Variants in EEFSEC observed in about 807,000 individuals in gnomAD.
EEFSEC encodes selenocysteine-specific elongation factor.
Under a neutral mutation model 42.1 loss-of-function variants are expected in EEFSEC, and 43 were observed. That is an observed-to-expected ratio of 1.02 (90% CI 0.80 to 1.32). The LOEUF (loss-of-function observed/expected upper bound fraction) is 1.32. EEFSEC is among the 40% of genes most tolerant of loss of function. The pLI is 0.00. For missense variants in EEFSEC, 745 were observed against 803.6 expected, an observed-to-expected ratio of 0.93 and a Z score of 0.88; for synonymous variants, 354 against 339.1, an observed-to-expected ratio of 1.04 and a Z score of -0.48.
chr3:128,308,000 A>G (rs2066849994), intron 4 of EEFSEC, among the ~76,000 whole-genome samples: 1 of 152,246 alleles, frequency 6.6e-6, no homozygotes, highest in Admixed American at 6.5e-5. Flanking sequence ...TCACCTGGGC[A>G]TAACAGTGCC....
intron 6 of EEFSEC, among the ~76,000 whole-genome samples, chr3:128,359,887 C>T (rs2067503245): frequency 6.6e-6 from 1 of 152,212 alleles, no homozygotes; most frequent in South Asian, 2.1e-4. Context: ...CAGCTGCCTC[C>T]GTGCTCACAG....
intron 5 of EEFSEC, among the ~76,000 whole-genome samples, chr3:128,356,508 CTT>C (rs2067456392): frequency 6.6e-6 from 1 of 152,176 alleles, no homozygotes; most frequent in Admixed American, 6.5e-5. Flanking sequence ...AATGTTCTGT[CTT>C]TGGAGAAGAT....
chr3:128,402,335 T>C (rs1488829250), intron 6 of EEFSEC, among the ~76,000 whole-genome samples: 2 of 152,222 alleles, frequency 1.3e-5, no homozygotes, highest in Admixed American at 6.5e-5. Flanking sequence ...CATAGGTCTT[T>C]CTTTGTGTAA....
intron 4 of EEFSEC, among the ~76,000 whole-genome samples, chr3:128,313,554 C>T (rs1479096553): frequency 6.6e-6 from 1 of 152,202 alleles, no homozygotes; most frequent in Non-Finnish European, 1.5e-5. Context: ...GATGCCACAC[C>T]CAGGACTCAG....
chr3:128,278,223 C>T (rs1443442002), intron 4 of EEFSEC, among the ~76,000 whole-genome samples: 1 of 152,134 alleles, frequency 6.6e-6, no homozygotes, highest in Admixed American at 6.5e-5. Context: ...AGGCTGTTGC[C>T]ATAGTCCAGG....
chr3:128,243,289 T>G (rs1443481505), intron 1 of EEFSEC, among the ~76,000 whole-genome samples: 1 of 151,998 alleles, frequency 6.6e-6, no homozygotes, highest in Non-Finnish European at 1.5e-5. Flanking sequence ...GGCTCCTGAG[T>G]GTTTGGGTCC....
At chr3:128,285,458 G>A (rs1260727794) in intron 4 of EEFSEC, among the ~76,000 whole-genome samples, 2 of 152,162 alleles carry the variant, frequency 1.3e-5, no homozygotes, top group East Asian at 3.9e-4. Flanking sequence ...AGCAGGGACA[G>A]GCCTGTGAAA....
intron 1 of EEFSEC, among the ~76,000 whole-genome samples, chr3:128,180,760 G>A (rs943181833): frequency 6.6e-6 from 1 of 152,208 alleles, no homozygotes; most frequent in Non-Finnish European, 1.5e-5. Context: ...GAGCTAGTGT[G>A]CCATTGAGGC....
intron 1 of EEFSEC, among the ~76,000 whole-genome samples, chr3:128,220,004 T>G (rs1420307011): frequency 4.6e-5 from 7 of 152,140 alleles, no homozygotes; most frequent in Non-Finnish European, 7.4e-5. Flanking sequence ...GCATTTGCGG[T>G]GGCAGCTCTG....
At chr3:128,264,517 C>T in intron 3 of EEFSEC, 100 bp from the exon 4 acceptor site, 2 of 1,388,310 alleles carry the variant, frequency 1.4e-6, no homozygotes, top group African/African-American at 1.4e-5. Flanking sequence ...ACCTTGGCAG[C>T]CTTGATGAAC....
chr3:128,268,273 A>C (rs1356104278), intron 4 of EEFSEC, among the ~76,000 whole-genome samples: 1 of 152,200 alleles, frequency 6.6e-6, no homozygotes. Flanking sequence ...CCCAGGATAG[A>C]CCATATCTAG....
chr3:128,253,763 T>C lies in EEFSEC; in HGVS notation c.524+6720T>C, dbSNP rs557323360. On this transcript the variant is annotated intron_variant, in intron 2 of 6. Coordinates refer to ENST00000254730, the MANE Select transcript of EEFSEC (RefSeq NM_021937.5). ...CTCAAGGCAAAGACCTAAGCCCCGCTACTTCTGTGGGGGCAGTGTGTCATG... is the reference window on the plus strand; with the variant it reads ...CTCAAGGCAAAGACCTAAGCCCCGCCACTTCTGTGGGGGCAGTGTGTCATG... 1.5e-4 allele frequency among the ~76,000 whole-genome samples: 23 copies of C among 152,278 alleles called. No individual in the cohort carries two copies. In the South Asian group the frequency reaches 1.9e-3, roughly 12 times the overall value.
chr3:128,213,162 G>A (rs2065776496), intron 1 of EEFSEC, among the ~76,000 whole-genome samples: 1 of 152,228 alleles, frequency 6.6e-6, no homozygotes, highest in Non-Finnish European at 1.5e-5. Flanking sequence ...TCCGAGACCT[G>A]GGTTGTGGCA....
rs560914341 is a variant in EEFSEC at position 128,174,795 on chromosome 3, G to C, written c.316+20972G>C. 5.9e-5 allele frequency among the ~76,000 whole-genome samples: 9 copies of C among 152,326 alleles called. No individual in the cohort carries two copies. The South Asian group carries it at 1.0e-3, about 18-fold the overall frequency. ...TTGGTAAATGGAAGCAGGCCTTACT[G>C]TAGGGTTAGTGCACTGCAGGCTTGG... On this transcript the variant is annotated intron_variant, in intron 1 of 6. Transcript: ENST00000254730.
intron 1 of EEFSEC, among the ~76,000 whole-genome samples, chr3:128,240,257 C>T (rs2107885438): frequency 6.6e-6 from 1 of 152,284 alleles, no homozygotes; most frequent in East Asian, 1.9e-4. Flanking sequence ...GTGATGGGGC[C>T]CAGGTTCAGT....
chr3:128,236,026 G>A (rs1228673496), intron 1 of EEFSEC, among the ~76,000 whole-genome samples: 2 of 152,102 alleles, frequency 1.3e-5, no homozygotes, highest in Non-Finnish European at 2.9e-5. Context: ...GTTCAGTGGC[G>A]CAATCTCGCC....
intron 3 of EEFSEC, among the ~76,000 whole-genome samples, chr3:128,263,167 A>G (rs1056917562): frequency 6.6e-6 from 1 of 152,256 alleles, no homozygotes; most frequent in Admixed American, 6.5e-5. Flanking sequence ...TTCTTTACAT[A>G]CAGGATCATT....
chr3:128,387,500 G>A (rs1476704397), intron 6 of EEFSEC, among the ~76,000 whole-genome samples: 3 of 152,176 alleles, frequency 2.0e-5, no homozygotes, highest in Non-Finnish European at 2.9e-5. Context: ...GTTTTGATGC[G>A]TGAAGTGGGG....
intron 4 of EEFSEC, among the ~76,000 whole-genome samples, chr3:128,277,305 G>A (rs1272588030): frequency 6.6e-6 from 1 of 152,192 alleles, no homozygotes; most frequent in Non-Finnish European, 1.5e-5. Context: ...ATTCACAGGT[G>A]TCAACTTGTA....
Sources: allele counts gnomAD v4.1 joint callset (sites outside exome capture counted in the v4.1 genomes callset), GRCh38; gene constraint gnomAD v4.1.1; transcripts MANE v1.5; gene names NCBI Gene and HGNC (gene_info 2026-07-23, HGNC 2026-07-21).